The following FHIT variants were observed in gnomAD, a reference collection of about 807,000 sequenced individuals.
The protein encoded by FHIT is bis(5'-adenosyl)-triphosphatase.
In FHIT, 19 loss-of-function variants were observed where a neutral mutation model predicts 17.9. That is an observed-to-expected ratio of 1.06 (90% confidence interval 0.74 to 1.56). The LOEUF (loss-of-function observed/expected upper bound fraction) is 1.56. Among genes scored for constraint, FHIT ranks in the 40% most tolerant of loss-of-function variants. The probability of loss-of-function intolerance (pLI) is 0.00; values close to 1 mark genes in which losing one functional copy is unlikely to be tolerated. For synonymous variants in FHIT, 81 were observed against 69.7 expected (o/e 1.16, Z -0.81); for missense variants, 248 against 189.2 (o/e 1.31, Z -1.82).
chr3:60,155,173 C>CAAAA (rs10552580), intron 5 of FHIT, among the ~76,000 whole-genome samples: 1 of 127,134 alleles, frequency 7.9e-6, no homozygotes. Flanking sequence ...GTGACAGAGT[C>CAAAA]AAAAAAAAAA....
intron 8 of FHIT, among the ~76,000 whole-genome samples, chr3:59,839,192 C>A (rs1398592313): frequency 6.6e-6 from 1 of 151,906 alleles, no homozygotes; most frequent in African/African-American, 2.4e-5. Flanking sequence ...GTGGTACATG[C>A]CTGTAATCCC....
chr3:59,875,089 T>C (rs1399318007), intron 8 of FHIT, among the ~76,000 whole-genome samples: 1 of 152,180 alleles, frequency 6.6e-6, no homozygotes, highest in African/African-American at 2.4e-5. Flanking sequence ...GTGCATCCAG[T>C]TTATTCTTTC....
At chr3:60,556,015 G>A (rs529155061) in intron 4 of FHIT, among the ~76,000 whole-genome samples, 10 of 152,302 alleles carry the variant, frequency 6.6e-5, no homozygotes, top group Non-Finnish European at 1.3e-4. Flanking sequence ...AACACTTAAT[G>A]TTTATTTCTG....
At chr3:60,432,354 A>T (rs1336625017) in intron 5 of FHIT, among the ~76,000 whole-genome samples, 1 of 152,088 alleles carries the variant, frequency 6.6e-6, no homozygotes, top group Non-Finnish European at 1.5e-5. Flanking sequence ...CATCCAATAA[A>T]TGAGTGTTGG....
At chr3:60,834,675 A>T (rs1208488081) in intron 3 of FHIT, among the ~76,000 whole-genome samples, 1 of 151,804 alleles carries the variant, frequency 6.6e-6, no homozygotes, top group Non-Finnish European at 1.5e-5. Context: ...CCAACACGGC[A>T]AAAGCCAGTC....
intron 2 of FHIT, among the ~76,000 whole-genome samples, chr3:61,176,314 G>A (rs1239738754): frequency 6.6e-6 from 1 of 152,226 alleles, no homozygotes; most frequent in African/African-American, 2.4e-5. Flanking sequence ...TCTGAAGAGA[G>A]CATAAAGATT....
intron 5 of FHIT, among the ~76,000 whole-genome samples, chr3:60,296,612 T>C (rs991162363): frequency 3.9e-5 from 6 of 152,092 alleles, no homozygotes; most frequent in African/African-American, 1.4e-4. Context: ...CTTGTCTTTT[T>C]AGCCTCTTAG....
At chr3:60,776,265 C>T (rs1553724429) in intron 4 of FHIT, among the ~76,000 whole-genome samples, 3 of 152,154 alleles carry the variant, frequency 2.0e-5, no homozygotes, top group Non-Finnish European at 2.9e-5. Context: ...GGGCCCCACC[C>T]AGCAACTGGG....
intron 8 of FHIT, among the ~76,000 whole-genome samples, chr3:59,805,236 T>C (rs1268834377): frequency 2.0e-5 from 3 of 152,130 alleles, no homozygotes; most frequent in Admixed American, 6.6e-5. Flanking sequence ...GGTGTTGGGA[T>C]TGTTCTTATC....
intron 1 of FHIT, among the ~76,000 whole-genome samples, chr3:61,207,502 T>C (rs964530889): frequency 6.6e-6 from 1 of 152,176 alleles, no homozygotes; most frequent in African/African-American, 2.4e-5. Context: ...TCAGAGCCTG[T>C]TATTGGTCTA....
intron 5 of FHIT, among the ~76,000 whole-genome samples, chr3:60,378,889 C>G (rs191288265): frequency 2.0e-5 from 3 of 152,064 alleles, no homozygotes; most frequent in Non-Finnish European, 4.4e-5. Flanking sequence ...AAAGATCAAA[C>G]GTGGATTCAA....
At chr3:61,189,647 C>G (rs1181456660) in intron 2 of FHIT, among the ~76,000 whole-genome samples, 5 of 152,204 alleles carry the variant, frequency 3.3e-5, no homozygotes, top group Non-Finnish European at 7.3e-5. Context: ...GCCAAAAGAA[C>G]AAAGCTGGAG....
intron 8 of FHIT, among the ~76,000 whole-genome samples, chr3:59,918,390 C>T (rs747395176): frequency 1.8e-4 from 27 of 151,716 alleles, no homozygotes; most frequent in Non-Finnish European, 3.4e-4. Context: ...ATAGGTATGG[C>T]GATATAGTAG....
chr3:60,899,065 G>A (rs1705971797), intron 3 of FHIT, among the ~76,000 whole-genome samples: 1 of 152,128 alleles, frequency 6.6e-6, no homozygotes, highest in African/African-American at 2.4e-5. Flanking sequence ...CCAAGAACAT[G>A]TAACTACTAC....
chr3:60,041,886 T>C (rs1027580536), intron 5 of FHIT, among the ~76,000 whole-genome samples: 5 of 152,274 alleles, frequency 3.3e-5, no homozygotes, highest in African/African-American at 1.2e-4. Context: ...CATGTTTCCA[T>C]GAATATCTCA....
At chr3:60,036,908 G>A (rs895164894) in intron 5 of FHIT, among the ~76,000 whole-genome samples, 1 of 152,156 alleles carries the variant, frequency 6.6e-6, no homozygotes. Context: ...ACCATCATTA[G>A]GAAATATCAG....
At chr3:60,494,398 G>A (rs2034203899) in intron 5 of FHIT, among the ~76,000 whole-genome samples, 1 of 151,198 alleles carries the variant, frequency 6.6e-6, no homozygotes, top group African/African-American at 2.4e-5. Context: ...ATACAGACAT[G>A]CAATGTGTAA....
chr3:59,990,271 T>C (rs1330751141), intron 7 of FHIT, among the ~76,000 whole-genome samples: 1 of 152,034 alleles, frequency 6.6e-6, no homozygotes, highest in Admixed American at 6.6e-5. Flanking sequence ...CTATTTGGCA[T>C]GATGAGAGTG....
chr3:61,232,459 A>T (rs2040130171), intron 1 of FHIT, among the ~76,000 whole-genome samples: 1 of 152,184 alleles, frequency 6.6e-6, no homozygotes, highest in African/African-American at 2.4e-5. Flanking sequence ...AATTCTTTAA[A>T]AGGTATGTGA....
Sources: gnomAD v4.1 joint callset for allele counts (sites outside exome capture counted in the v4.1 genomes callset) on GRCh38, gnomAD v4.1.1 for gene constraint, MANE v1.5 for transcripts, NCBI Gene and HGNC (gene_info 2026-07-23, HGNC 2026-07-21) for gene names.